Variants in ATP6V1D observed in about 807,000 individuals in gnomAD.
The protein encoded by ATP6V1D is V-type proton ATPase subunit D.
Under a neutral mutation model 39.4 loss-of-function variants are expected in ATP6V1D, and 20 were observed. The observed-to-expected ratio is 0.51, with a 90% CI of 0.36 to 0.74. ATP6V1D has a LOEUF of 0.74. ATP6V1D is among the 30% of genes least tolerant of loss of function. The pLI is 0.00. For missense variants in ATP6V1D, 228 were observed against 291.6 expected (o/e 0.78, Z 1.59); for synonymous variants, 100 against 100.5 (o/e 0.99, Z 0.03).
At chr14:67,350,808 T>G (rs2085650435) in intron 2 of ATP6V1D, 118 bp from the exon 3 acceptor site, 1 of 974,216 alleles carries the variant, frequency 1.0e-6, no homozygotes. Context: ...ATGTAAATAT[T>G]GGTTTGATAA....
At chr14:67,340,376 A>G in intron 8 of ATP6V1D, 64 bp downstream of exon 8, 1 of 1,381,914 alleles carries the variant, frequency 7.2e-7, no homozygotes, top group Non-Finnish European at 1.0e-6. Flanking sequence ...CAAGTCATTC[A>G]GCAAATACAG....
At chr14:67,359,033 C>A (rs1387421484) in intron 1 of ATP6V1D, among the ~76,000 whole-genome samples, 2 of 152,214 alleles carry the variant, frequency 1.3e-5, no homozygotes, top group African/African-American at 4.8e-5. Context: ...GGTATTAACA[C>A]AGGTCTGAAC....
At chr14:67,353,428 T>C (rs2085668076) in intron 1 of ATP6V1D, among the ~76,000 whole-genome samples, 1 of 152,190 alleles carries the variant, frequency 6.6e-6, no homozygotes, top group Non-Finnish European at 1.5e-5. Context: ...GGAGGATCCC[T>C]TGAGCCTGGG....
At position 67,347,422 on chromosome 14, in the gene ATP6V1D, A is replaced by G. The variant is rs879024705; in HGVS notation, c.339T>C (p.His113=). The change falls in exon 5 of 9, where the codon CAT becomes CAC. Residue 113 remains histidine (H), a synonymous_variant. Transcript: ENST00000216442. ...TTTCACACTTACTGTCAGTTCCTTC[A>G]TGGTAATGTTCAAATACTGGCAAAG... ...GVTLPVFEHY[H]EGTDSYELTG... 6.2e-7 allele frequency: 1 copy of G among 1,607,864 alleles called. No individual in the cohort carries two copies. The highest frequency in any genetic ancestry group is 8.5e-7 in the Non-Finnish European group (1 of 1,174,748).
Position 67,338,340 on chromosome 14 carries a change from C to G in ATP6V1D, c.*281G>C, listed in dbSNP as rs1460202196. 7.4e-6 allele frequency: 2 copies of G among 271,960 alleles called. No individual in the cohort carries two copies. Among genetic ancestry groups the G allele is most frequent in the African/African-American group, 4.4e-5 (2 of 45,474 alleles). 16.8% of individuals were successfully genotyped at this position (271,960 alleles called of 1,614,324 possible). A position where few individuals can be genotyped will look rare whatever the true frequency, so the allele number is the denominator to read the frequency against. On this transcript the variant is annotated 3_prime_UTR_variant, in exon 9 of 9. Transcript: ENST00000216442. Reference sequence around the variant, plus strand: ...GGTATTTCCTAATATGCTTGGTAAGCAGATCACGTGTAACACAGATGTAAA... The same window carrying G: ...GGTATTTCCTAATATGCTTGGTAAGGAGATCACGTGTAACACAGATGTAAA...
At chr14:67,341,883 AC>A (rs2085587178) in intron 7 of ATP6V1D, among the ~76,000 whole-genome samples, 1 of 152,014 alleles carries the variant, frequency 6.6e-6, no homozygotes, top group Non-Finnish European at 1.5e-5. Flanking sequence ...CTATGACCTT[AC>A]CCCCAACCCT....
intron 6 of ATP6V1D, among the ~76,000 whole-genome samples, chr14:67,344,353 T>C (rs1249711095): frequency 6.6e-6 from 1 of 152,156 alleles, no homozygotes; most frequent in Non-Finnish European, 1.5e-5. Flanking sequence ...AATAAACCTT[T>C]ATCAAATCAT....
chr14:67,342,223 T>A (rs201500176), intron 7 of ATP6V1D, among the ~76,000 whole-genome samples: 6,877 of 93,312 alleles, frequency 0.074, 446 homozygotes, highest in African/African-American at 0.3. Flanking sequence ...TAAAATAAAA[T>A]AAAAAAAAAC....
At chr14:67,352,339 C>T (rs2085659849) in intron 2 of ATP6V1D, among the ~76,000 whole-genome samples, 1 of 150,712 alleles carries the variant, frequency 6.6e-6, no homozygotes, top group African/African-American at 2.4e-5. Context: ...AGAATGGTAG[C>T]ATGCACCTGT....
intron 7 of ATP6V1D, 28 bp from the exon 8 acceptor site, chr14:67,340,546 T>G: frequency 6.4e-7 from 1 of 1,570,982 alleles, no homozygotes; most frequent in Non-Finnish European, 8.8e-7. Flanking sequence ...ATAATATGTG[T>G]GAGAACTTCA....
chr14:67,342,223 T>TA (rs895869838), intron 7 of ATP6V1D, among the ~76,000 whole-genome samples: 12 of 93,460 alleles, frequency 1.3e-4, no homozygotes, highest in South Asian at 4.4e-4. Context: ...TAAAATAAAA[T>TA]AAAAAAAAAC....
chr14:67,344,424 C>T (rs1398348156), intron 6 of ATP6V1D, among the ~76,000 whole-genome samples: 1 of 152,070 alleles, frequency 6.6e-6, no homozygotes, highest in East Asian at 1.9e-4. Flanking sequence ...TATAGTCTCA[C>T]CTAAATAACA....
intron 4 of ATP6V1D, chr14:67,348,825 C>G (rs1291241686): frequency 2.0e-5 from 10 of 488,014 alleles, no homozygotes; most frequent in Admixed American, 1.8e-4. Flanking sequence ...CAGCCGGAAC[C>G]TGCCTTCTTA....
chr14:67,338,564 CTG>C lies in ATP6V1D; in HGVS notation c.*55_*56del, dbSNP rs1378344903. On this transcript the variant is annotated 3_prime_UTR_variant, in exon 9 of 9. Transcript: ENST00000216442. ...TAGCCACACAAATCAAACCTACACACTGTGAATTAAAATGAAGCCAGTGTTAG... is the reference window on the plus strand; with the variant it reads ...TAGCCACACAAATCAAACCTACACACTGAATTAAAATGAAGCCAGTGTTAG... 7.6e-6 allele frequency: 12 copies of C among 1,571,120 alleles called. No individual in the cohort carries two copies. The highest frequency in any genetic ancestry group is 4.1e-5 in the African/African-American group (3 of 72,890).
intron 7 of ATP6V1D, among the ~76,000 whole-genome samples, chr14:67,341,067 C>T (rs1476677836): frequency 5.9e-5 from 9 of 152,200 alleles, no homozygotes; most frequent in Non-Finnish European, 1.0e-4. Flanking sequence ...CCCAAAGTGC[C>T]GAGATTGCAG....
chr14:67,347,507 T>TTC, intron 4 of ATP6V1D, 54 bp from the exon 5 acceptor site: 1 of 1,489,156 alleles, frequency 6.7e-7, no homozygotes, highest in East Asian at 2.3e-5. Flanking sequence ...TCTCTCTTTT[T>TTC]TTTTTTTTTC....
intron 1 of ATP6V1D, among the ~76,000 whole-genome samples, chr14:67,359,317 G>A (rs558679947): frequency 7.9e-5 from 12 of 152,356 alleles, no homozygotes; most frequent in African/African-American, 2.6e-4. Context: ...CTGTAGGGCA[G>A]AGGTGGCGAC....
chr14:67,355,115 AT>A (rs1397052800), intron 1 of ATP6V1D, among the ~76,000 whole-genome samples: 6 of 152,100 alleles, frequency 3.9e-5, no homozygotes, highest in East Asian at 1.9e-4. Context: ...CCTGGCCTGC[AT>A]TTTTTATACC....
intron 1 of ATP6V1D, among the ~76,000 whole-genome samples, chr14:67,359,364 GGGTATGTGGAAT>G (rs766107774): frequency 1.3e-5 from 2 of 152,212 alleles, no homozygotes; most frequent in Non-Finnish European, 2.9e-5. Flanking sequence ...GGCTCAATAA[GGGTATGTGGAAT>G]GGATGAATCC....
Sources: allele counts gnomAD v4.1 joint callset (sites outside exome capture counted in the v4.1 genomes callset), GRCh38; gene constraint gnomAD v4.1.1; transcripts MANE v1.5; gene names NCBI Gene and HGNC (gene_info 2026-07-23, HGNC 2026-07-21).